The following PCDH11X variants were observed in gnomAD, a reference collection of about 807,000 sequenced individuals.
PCDH11X encodes the protein protocadherin 11 X-linked, also known as protocadherin-11 X-linked.
Under a neutral mutation model 53.3 loss-of-function variants are expected in PCDH11X, and 18 were observed. The ratio of observed to expected loss-of-function variants is 0.34; its 90% CI spans 0.23 to 0.50. The LOEUF is 0.50. PCDH11X is among the 20% of genes least tolerant of loss of function. The pLI is 0.98. For missense variants in PCDH11X, 570 were observed against 1,032.4 expected (o/e 0.55, Z 6.14); for synonymous variants, 279 against 393.3 (o/e 0.71, Z 3.44).
At chrX:91,858,211 G>A (rs1024985871) in intron 5 of PCDH11X, among the ~76,000 whole-genome samples, 1 of 109,625 alleles carries the variant, frequency 9.1e-6, no homozygotes, top group Admixed American at 9.7e-5. Flanking sequence ...TTCAGCCATG[G>A]CTGGGATGTA....
intron 6 of PCDH11X, among the ~76,000 whole-genome samples, chrX:92,131,866 CTT>C (rs979536015): frequency 9.2e-6 from 1 of 108,479 alleles, no homozygotes; most frequent in Non-Finnish European, 1.9e-5. Context: ...TTAAGAATTC[CTT>C]TGTTATTTTG....
In PCDH11X at chrX:92,532,238, T is replaced by G. The variant is rs1271569623; in HGVS notation, c.3367+63916T>G. 2.7e-5 allele frequency among the ~76,000 whole-genome samples: 3 copies of G among 111,607 alleles called. No individual in the cohort carries two copies. The East Asian group carries it at 8.5e-4, about 32-fold the overall frequency. ...TAAGACAGAGATTATTGCCTTAGCC[T>G]AAATTTCTATTAGATTTATTTTCTC... On this transcript the variant is annotated intron_variant, in intron 10 of 10. Transcript: ENST00000682573.
chrX:92,505,152 CTT>C (rs58620449), intron 10 of PCDH11X, among the ~76,000 whole-genome samples: 120 of 64,253 alleles, frequency 1.9e-3, no homozygotes, highest in Non-Finnish European at 2.1e-3. Flanking sequence ...TTTCTTTTTT[CTT>C]TTTTTTTTTT....
chrX:92,424,855 A>G (rs1388141660), intron 9 of PCDH11X, among the ~76,000 whole-genome samples: 3 of 97,276 alleles, frequency 3.1e-5, no homozygotes, highest in African/African-American at 1.0e-4. Context: ...CAAGTGGTAT[A>G]TATGGGCTAT....
chrX:92,457,495 G>A lies in PCDH11X; in HGVS notation c.3344-10804G>A, dbSNP rs1405230248. On this transcript the variant is annotated intron_variant, in intron 9 of 10. Transcript: ENST00000682573. ...ACAAGAAATCACAACTTCAGTCCAT[G>A]CTAATATCACATGTGAGATTATGAA... Among the ~76,000 whole-genome samples, 4 of 108,839 alleles carry A rather than the reference G, an allele frequency of 3.7e-5. No individual in the cohort carries two copies. The East Asian group carries it at 1.1e-3, about 31-fold the overall frequency. The allele number at this position is 108,839 out of a possible 115,157, so 94.5% of individuals were successfully genotyped here.
intron 9 of PCDH11X, among the ~76,000 whole-genome samples, chrX:92,453,250 CA>C (rs774948939): frequency 9.2e-6 from 1 of 108,699 alleles, no homozygotes; most frequent in South Asian, 4.0e-4. Context: ...CTATGATAAA[CA>C]TTTTTTTGGA....
chrX:92,412,544 T>TAGATAG (rs1569482947), intron 9 of PCDH11X, among the ~76,000 whole-genome samples: 6 of 89,874 alleles, frequency 6.7e-5, no homozygotes, highest in African/African-American at 2.5e-4. Flanking sequence ...TATATATATA[T>TAGATAG]ATATATATAT....
At chrX:92,471,264 C>A (rs1373869987) in intron 10 of PCDH11X, among the ~76,000 whole-genome samples, 2 of 106,427 alleles carry the variant, frequency 1.9e-5, no homozygotes, top group Non-Finnish European at 3.9e-5. Context: ...CTCCTCCCAC[C>A]CTCCATCCTC....
intron 6 of PCDH11X, among the ~76,000 whole-genome samples, chrX:92,065,433 C>A (rs1335302457): frequency 9.0e-6 from 1 of 111,068 alleles, no homozygotes; most frequent in Non-Finnish European, 1.9e-5. Context: ...TTTTGATGAA[C>A]CTCCAAACTT....
intron 6 of PCDH11X, among the ~76,000 whole-genome samples, chrX:92,075,266 T>C (rs367638295): frequency 7.2e-5 from 8 of 111,041 alleles, no homozygotes; most frequent in Middle Eastern, 4.6e-3. Context: ...TCTGAAACTT[T>C]TAGTGTTCAG....
chrX:91,970,312 C>A (rs2061938956), intron 6 of PCDH11X, among the ~76,000 whole-genome samples: 1 of 111,339 alleles, frequency 9.0e-6, no homozygotes, highest in South Asian at 3.8e-4. Context: ...CTTATTTGGC[C>A]CCACCCACAT....
At chrX:92,536,146 C>T (rs1263547466) in intron 10 of PCDH11X, among the ~76,000 whole-genome samples, 1 of 109,726 alleles carries the variant, frequency 9.1e-6, no homozygotes, top group Non-Finnish European at 1.9e-5. Context: ...GAAATCCAGT[C>T]TTTAAGCTCT....
In PCDH11X at chrX:92,283,531, A is replaced by G. The variant is rs1407793257; in HGVS notation, c.3144+20388A>G. ...AGTGATTTAGTGAGGGCTTTATTTC[A>G]TTTTATTTTTGCTACTTACAACAAT... is the stretch of plus-strand genomic sequence containing the variant. On this transcript the variant is annotated intron_variant, in intron 8 of 10. Coordinates refer to ENST00000682573, the MANE Select transcript of PCDH11X (RefSeq NM_032968.5). Among the ~76,000 whole-genome samples the G allele has an allele frequency of 9.0e-5, 10 of 111,292 alleles. No individual in the cohort carries two copies. The East Asian group carries it at 2.6e-3, about 28-fold the overall frequency.
chrX:92,103,325 T>C (rs936467984), intron 6 of PCDH11X, among the ~76,000 whole-genome samples: 19 of 110,937 alleles, frequency 1.7e-4, no homozygotes, highest in African/African-American at 5.2e-4. Context: ...GAAGCCTGGC[T>C]GTCAATACCC....
chrX:92,179,011 C>T (rs1316237566), intron 6 of PCDH11X, among the ~76,000 whole-genome samples: 10 of 111,629 alleles, frequency 9.0e-5, no homozygotes, highest in East Asian at 2.8e-4. Flanking sequence ...CCAGCATGCA[C>T]GCTAACACAT....
chrX:92,143,131 T>G (rs1419654542), intron 6 of PCDH11X, among the ~76,000 whole-genome samples: 1 of 110,941 alleles, frequency 9.0e-6, no homozygotes, highest in African/African-American at 3.3e-5. Flanking sequence ...AGAAAAAAAG[T>G]AGCTAGATGT....
intron 5 of PCDH11X, among the ~76,000 whole-genome samples, chrX:91,843,259 ACTTATG>A (rs1226009661): frequency 1.5e-4 from 11 of 74,309 alleles, no homozygotes; most frequent in African/African-American, 3.2e-4. Context: ...ATACATACAT[ACTTATG>A]TGTGTGTGTG....
At chrX:92,406,255 A>G (rs979798203) in intron 9 of PCDH11X, among the ~76,000 whole-genome samples, 1 of 110,197 alleles carries the variant, frequency 9.1e-6, no homozygotes, top group Non-Finnish European at 1.9e-5. Flanking sequence ...CACTTAAAGT[A>G]TGTCTTGCAG....
intron 5 of PCDH11X, among the ~76,000 whole-genome samples, chrX:91,851,068 T>C (rs189255409): frequency 0.023 from 2,459 of 109,213 alleles, 42 homozygotes; most frequent in Middle Eastern, 0.057. Context: ...TTCATCCTAT[T>C]GTGTTTTTTT....
Sources: allele counts gnomAD v4.1 joint callset (sites outside exome capture counted in the v4.1 genomes callset), GRCh38; gene constraint gnomAD v4.1.1; transcripts MANE v1.5; gene names NCBI Gene and HGNC (gene_info 2026-07-23, HGNC 2026-07-21).